LAMA1: variants seen among roughly 807,000 people sequenced by gnomAD.
LAMA1 encodes laminin subunit alpha 1.
Under a neutral mutation model 348.7 loss-of-function variants are expected in LAMA1, and 219 were observed. That is an observed-to-expected ratio of 0.63 (90% confidence interval 0.56 to 0.70). The LOEUF (loss-of-function observed/expected upper bound fraction) is 0.70. Among genes scored for constraint, LAMA1 ranks in the 30% least tolerant of loss-of-function variants. LAMA1 has a pLI of 0.00. For synonymous variants in LAMA1, 1,487 were observed against 1,491.0 expected (o/e 1.00, Z 0.06); for missense variants, 3,744 against 3,888.0 (o/e 0.96, Z 0.99).
intron 47 of LAMA1, among the ~76,000 whole-genome samples, chr18:6,972,812 C>T (rs112203449): frequency 0.038 from 5,722 of 152,160 alleles, 234 homozygotes; most frequent in African/African-American, 0.098. Flanking sequence ...TGCCTCAGCC[C>T]CCTGAGTAGC....
At chr18:7,014,164 ATCTC>A in intron 22 of LAMA1, 113 bp from the exon 23 acceptor site, 1 of 849,818 alleles carries the variant, frequency 1.2e-6, no homozygotes, top group Non-Finnish European at 1.9e-6. Flanking sequence ...CAAATGAACC[ATCTC>A]TCTCTTGCTA....
intron 3 of LAMA1, among the ~76,000 whole-genome samples, chr18:7,059,142 G>A (rs963059099): frequency 1.3e-5 from 2 of 152,036 alleles, no homozygotes; most frequent in South Asian, 2.1e-4. Flanking sequence ...CACCTGCCTC[G>A]GCCTCCCAAA....
chr18:7,056,330 T>C (rs146496715), intron 3 of LAMA1, among the ~76,000 whole-genome samples: 1 of 152,172 alleles, frequency 6.6e-6, no homozygotes, highest in Admixed American at 6.5e-5. Flanking sequence ...GGCAAGGTCA[T>C]TTACAAAGAC....
At chr18:6,996,134 T>G (rs1222703236) in intron 33 of LAMA1, among the ~76,000 whole-genome samples, 2 of 152,324 alleles carry the variant, frequency 1.3e-5, no homozygotes, top group East Asian at 3.9e-4. Context: ...AAATATTCTT[T>G]TTTTTATAGA....
chr18:7,016,475 G>T lies in LAMA1; in HGVS notation c.2989+16C>A, dbSNP rs779486675. 1.2e-6 allele frequency: 2 copies of T among 1,613,960 alleles called. No individual in the cohort carries two copies. The highest frequency in any genetic ancestry group is 3.3e-5 in the Admixed American group (2 of 60,002). On this transcript the variant is annotated intron_variant, in intron 21 of 62. Transcript: ENST00000389658. ...GGAATGACTACAAAGTCTCAAACAA[G>T]GAAATCAAGGCTTACGTGTACAGCT...
intron 8 of LAMA1, chr18:7,042,895 TA>T (rs137994290): frequency 0.03 from 7,416 of 251,388 alleles, 388 homozygotes; most frequent in African/African-American, 0.13. Context: ...AAATAAAAAT[TA>T]AAAAAAAAAG....
chr18:6,945,119 T>C (rs1267036616), intron 61 of LAMA1, among the ~76,000 whole-genome samples: 2 of 152,156 alleles, frequency 1.3e-5, no homozygotes, highest in Non-Finnish European at 2.9e-5. Flanking sequence ...GGTCTCAAAC[T>C]CCTGGGCTCA....
chr18:7,105,767 C>A (rs1196905158), intron 1 of LAMA1, among the ~76,000 whole-genome samples: 1 of 152,184 alleles, frequency 6.6e-6, no homozygotes, highest in Non-Finnish European at 1.5e-5. Flanking sequence ...TCAATCAACA[C>A]CCAATTCTGC....
At chr18:6,948,577 G>A in intron 59 of LAMA1, 21 bp from the exon 60 acceptor site, 5 of 1,614,142 alleles carry the variant, frequency 3.1e-6, no homozygotes, top group Non-Finnish European at 4.2e-6. Context: ...TGACATGCAA[G>A]AGTAGACAGT....
chr18:7,102,122 A>G (rs1465387319), intron 1 of LAMA1, among the ~76,000 whole-genome samples: 1 of 152,254 alleles, frequency 6.6e-6, no homozygotes, highest in African/African-American at 2.4e-5. Flanking sequence ...GTTTGATTAT[A>G]TAAAACACGG....
At chr18:7,115,500 C>T (rs899908361) in intron 1 of LAMA1, among the ~76,000 whole-genome samples, 1 of 151,976 alleles carries the variant, frequency 6.6e-6, no homozygotes, top group Non-Finnish European at 1.5e-5. Flanking sequence ...AGAGAGACTG[C>T]AGAAATGACA....
intron 30 of LAMA1, among the ~76,000 whole-genome samples, chr18:7,001,061 G>C (rs1168568141): frequency 2.0e-5 from 3 of 152,152 alleles, no homozygotes; most frequent in Non-Finnish European, 2.9e-5. Context: ...CAAAGTAGTA[G>C]GGTAGAATGT....
intron 16 of LAMA1, among the ~76,000 whole-genome samples, chr18:7,031,580 T>A (rs2144159638): frequency 6.6e-6 from 1 of 151,852 alleles, no homozygotes; most frequent in Non-Finnish European, 1.5e-5. Context: ...CTTGGAGGGT[T>A]GAGGTGGGAG....
At chr18:7,056,496 A>G (rs2143737778) in intron 3 of LAMA1, among the ~76,000 whole-genome samples, 1 of 152,296 alleles carries the variant, frequency 6.6e-6, no homozygotes, top group African/African-American at 2.4e-5. Flanking sequence ...CATTTTACAC[A>G]TTTGGAAACT....
intron 47 of LAMA1, 133 bp from the exon 48 acceptor site, chr18:6,972,114 A>C (rs1235658962): frequency 9.9e-7 from 1 of 1,012,480 alleles, no homozygotes; most frequent in African/African-American, 1.6e-5. Context: ...CACATTAGAA[A>C]AAAGCCAGTT....
chr18:6,995,214 A>G (rs974467819), intron 34 of LAMA1, 143 bp downstream of exon 34: 2 of 705,798 alleles, frequency 2.8e-6, no homozygotes, highest in African/African-American at 1.8e-5. Context: ...CAATTTGATG[A>G]TTAAGTACCT....
At chr18:7,079,814 C>A in intron 3 of LAMA1, 161 bp downstream of exon 3, 1 of 651,984 alleles carries the variant, frequency 1.5e-6, no homozygotes, top group Non-Finnish European at 2.8e-6. Flanking sequence ...CAAGAAATGG[C>A]ACCAGGGACT....
At chr18:6,985,175 C>A in intron 39 of LAMA1, 62 bp downstream of exon 39, 2 of 1,555,474 alleles carry the variant, frequency 1.3e-6, no homozygotes, top group Non-Finnish European at 1.8e-6. Context: ...ATAGAAACAT[C>A]CATCTATTTC....
intron 54 of LAMA1, 71 bp from the exon 55 acceptor site, chr18:6,958,733 T>C (rs1446531452): frequency 7.6e-6 from 10 of 1,319,720 alleles, no homozygotes; most frequent in African/African-American, 1.5e-5. Flanking sequence ...TTTTAGTCCA[T>C]AATTCCCACA....
Sources: gnomAD v4.1 joint callset for allele counts (sites outside exome capture counted in the v4.1 genomes callset) on GRCh38, gnomAD v4.1.1 for gene constraint, MANE v1.5 for transcripts, NCBI Gene and HGNC (gene_info 2026-07-23, HGNC 2026-07-21) for gene names.